Variants in TEAD4 observed in about 807,000 individuals in gnomAD.
The protein encoded by TEAD4 is transcriptional enhancer factor TEF-3.
TEAD4 carries 36 observed loss-of-function variants against 52.4 expected under a neutral mutation model. The observed-to-expected ratio is 0.69, with a 90% CI of 0.53 to 0.91. The LOEUF is 0.91. Ranked by LOEUF, TEAD4 falls within the 40% of genes least tolerant of loss-of-function variation. TEAD4 has a pLI of 0.00. For synonymous variants in TEAD4, 220 were observed against 231.0 expected, an observed-to-expected ratio of 0.95 and a Z score of 0.43; for missense variants, 508 against 583.9, an observed-to-expected ratio of 0.87 and a Z score of 1.34.
At position 2,994,723 on chromosome 12, in the gene TEAD4, T is replaced by A; in HGVS notation, c.-29-15T>A. The A allele has an allele frequency of 6.4e-7, 1 of 1,551,794 alleles. No individual in the cohort carries two copies. Among genetic ancestry groups the A allele is most frequent in the East Asian group, 2.3e-5 (1 of 44,220 alleles). On this transcript the variant is annotated splice_polypyrimidine_tract_variant and intron_variant, in intron 2 of 12. Coordinates refer to ENST00000359864, the MANE Select transcript of TEAD4 (RefSeq NM_003213.4). The surrounding 1 kb of genome is among the most constrained non-coding windows in gnomAD (Gnocchi z 4.7). ...CTTCCACTGCTCACCGGGGCTGTGGTTCCTGTCCCCACAGGTCCAACGAGC... is the reference window on the plus strand; with the variant it reads ...CTTCCACTGCTCACCGGGGCTGTGGATCCTGTCCCCACAGGTCCAACGAGC...
intron 6 of TEAD4, among the ~76,000 whole-genome samples, chr12:3,017,864 A>G (rs562863450): frequency 6.6e-6 from 1 of 152,274 alleles, no homozygotes; most frequent in South Asian, 2.1e-4. Context: ...GAAGCCTGAG[A>G]CCAGCATGTA....
In TEAD4 at chr12:3,007,621, G is replaced by A. The variant is rs544334503; in HGVS notation, c.227-3383G>A. Among the ~76,000 whole-genome samples the A allele has an allele frequency of 3.3e-5, 5 of 152,312 alleles. No homozygotes were observed. The South Asian group carries it at 1.0e-3, about 32-fold the overall frequency. Reference sequence around the variant, plus strand: ...ACTGACATTACAACAAACTGTACATGCTTAAAGTGGCCAAGTTGATACATT... The same window carrying A: ...ACTGACATTACAACAAACTGTACATACTTAAAGTGGCCAAGTTGATACATT... On this transcript the variant is annotated intron_variant, in intron 3 of 12. Transcript: ENST00000359864.
At chr12:3,039,993 G>C in intron 11 of TEAD4, 114 bp from the exon 12 acceptor site, 1 of 1,423,820 alleles carries the variant, frequency 7.0e-7, no homozygotes, top group Non-Finnish European at 9.6e-7. Flanking sequence ...GGCTGGGGGT[G>C]ACTCTTTTCT....
At position 2,999,843 on chromosome 12, in the gene TEAD4, G is replaced by A. The variant is rs917226241; in HGVS notation, c.226+4851G>A. ...CACTCAGTGCTGGCCGGGTGGGCTC[G>A]TGTCCCGCCTCCTGCTCTCTGGAGG... On this transcript the variant is annotated intron_variant, in intron 3 of 12. Transcript: ENST00000359864. Among the ~76,000 whole-genome samples the A allele has an allele frequency of 2.6e-5, 4 of 152,320 alleles. No homozygotes were observed. The South Asian group carries it at 6.2e-4, about 24-fold the overall frequency.
chr12:2,990,928 G>A (rs576751054), intron 2 of TEAD4, among the ~76,000 whole-genome samples: 1 of 152,306 alleles, frequency 6.6e-6, no homozygotes, highest in South Asian at 2.1e-4. Flanking sequence ...GACCAGGCAT[G>A]GTGGCTCACT....
chr12:2,996,300 G>A (rs528303905), intron 3 of TEAD4, among the ~76,000 whole-genome samples: 54 of 152,154 alleles, frequency 3.5e-4, no homozygotes, highest in Admixed American at 3.5e-3. Context: ...TGCTTGGCTC[G>A]GCTTCCCCAG....
chr12:3,032,058 T>C (rs1288662906), intron 10 of TEAD4, among the ~76,000 whole-genome samples: 3 of 152,216 alleles, frequency 2.0e-5, no homozygotes, highest in African/African-American at 7.2e-5. Context: ...GCCAGCCCCT[T>C]GGGCTTCTTG....
chr12:3,010,090 C>T (rs893089376), intron 3 of TEAD4, among the ~76,000 whole-genome samples: 19 of 152,338 alleles, frequency 1.2e-4, no homozygotes, highest in Admixed American at 9.1e-4. Flanking sequence ...CTCTCCTCAT[C>T]CGATGCTTCT....
chr12:2,959,494 C>A lies in TEAD4; in HGVS notation c.-123+13C>A, dbSNP rs887582180. Reference sequence around the variant, plus strand: ...CGCGTCCCGCCAGGTGAGAGGCGCCCGCGCCCGCCGCACCCGCCGGCGCCC... The same window carrying A: ...CGCGTCCCGCCAGGTGAGAGGCGCCAGCGCCCGCCGCACCCGCCGGCGCCC... On this transcript the variant is annotated intron_variant, in intron 1 of 12. Coordinates refer to ENST00000359864, the MANE Select transcript of TEAD4 (RefSeq NM_003213.4). The surrounding 1 kb of genome is among the most constrained non-coding windows in gnomAD (Gnocchi z 5.1). The A allele has an allele frequency of 6.8e-6, 1 of 147,280 alleles. No homozygotes were observed. The highest frequency in any genetic ancestry group is 1.5e-5 in the Non-Finnish European group (1 of 65,928). 9.1% of individuals were successfully genotyped at this position (147,280 alleles called of 1,614,324 possible). A position where few individuals can be genotyped will look rare whatever the true frequency, so the allele number is the denominator to read the frequency against.
Position 2,977,752 on chromosome 12 carries a change from T to G in TEAD4, c.-29-16986T>G, listed in dbSNP as rs1010996180. ...AACATGTCCCGGACTTCACGTGGCC[T>G]TTCCCGAGAACTTGTTGCATTTCAG... On this transcript the variant is annotated intron_variant, in intron 2 of 12. Transcript: ENST00000359864. 6.6e-5 allele frequency among the ~76,000 whole-genome samples: 10 copies of G among 152,156 alleles called. 1 individual carries two copies. The highest frequency in any genetic ancestry group is 6.5e-4 in the Admixed American group (10 of 15,276).
chr12:2,973,130 A>G (rs562242013), intron 2 of TEAD4, among the ~76,000 whole-genome samples: 1 of 152,292 alleles, frequency 6.6e-6, no homozygotes, highest in Admixed American at 6.5e-5. Flanking sequence ...TCTTTCACTC[A>G]GCAAGGTCAT....
At chr12:3,024,824 T>A (rs1173524169) in intron 10 of TEAD4, among the ~76,000 whole-genome samples, 2 of 152,326 alleles carry the variant, frequency 1.3e-5, no homozygotes, top group East Asian at 1.9e-4. Flanking sequence ...AGAACCACCA[T>A]ATAAAATTAA....
At chr12:3,038,204 G>C (rs1255074694) in intron 11 of TEAD4, 96 bp downstream of exon 11, 2 of 1,483,810 alleles carry the variant, frequency 1.3e-6, no homozygotes, top group Non-Finnish European at 1.8e-6. Flanking sequence ...CCCTCCGTTA[G>C]GGAGCCAGGA....
At chr12:3,004,574 C>T (rs1227280602) in intron 3 of TEAD4, among the ~76,000 whole-genome samples, 3 of 152,312 alleles carry the variant, frequency 2.0e-5, no homozygotes, top group Admixed American at 6.5e-5. Flanking sequence ...TGCTTGCCTA[C>T]GACCCTGAGA....
intron 2 of TEAD4, among the ~76,000 whole-genome samples, chr12:2,963,557 G>C (rs996631427): frequency 1.3e-5 from 2 of 152,340 alleles, no homozygotes; most frequent in South Asian, 4.1e-4. Flanking sequence ...AGGTGGAGGT[G>C]GGGGCAGGGC....
At chr12:3,032,161 G>A (rs1430712106) in intron 10 of TEAD4, among the ~76,000 whole-genome samples, 1 of 152,220 alleles carries the variant, frequency 6.6e-6, no homozygotes, top group East Asian at 1.9e-4. Flanking sequence ...GACCTAGAAG[G>A]TACTTTTCCA....
At chr12:2,999,385 C>T (rs1043113654) in intron 3 of TEAD4, among the ~76,000 whole-genome samples, 9 of 152,206 alleles carry the variant, frequency 5.9e-5, no homozygotes, top group African/African-American at 1.9e-4. Context: ...GGATGATTCC[C>T]GACCTGGGGA....
chr12:3,037,394 G>A (rs185147059), intron 10 of TEAD4, among the ~76,000 whole-genome samples: 1 of 152,160 alleles, frequency 6.6e-6, no homozygotes, highest in East Asian at 1.9e-4. Context: ...GTGCCTAGAG[G>A]GGGAAGAGGC....
At chr12:3,019,766 C>G (rs1466013042) in intron 8 of TEAD4, among the ~76,000 whole-genome samples, 1 of 152,192 alleles carries the variant, frequency 6.6e-6, no homozygotes, top group Non-Finnish European at 1.5e-5. Flanking sequence ...TCTGCCTGCC[C>G]GGCCCCTTGG....
Sources: gnomAD v4.1 joint callset for allele counts (sites outside exome capture counted in the v4.1 genomes callset) on GRCh38, gnomAD v4.1.1 for gene constraint, Gnocchi (gnomAD v3.1) non-coding constraint, MANE v1.5 for transcripts, NCBI Gene and HGNC (gene_info 2026-07-23, HGNC 2026-07-21) for gene names.